Variants in SIN3A observed in about 807,000 individuals in gnomAD.
SIN3A encodes the protein paired amphipathic helix protein Sin3a.
Under a neutral mutation model 146.1 loss-of-function variants are expected in SIN3A, and 14 were observed. The observed-to-expected ratio is 0.10, with a 90% CI of 0.06 to 0.15. The LOEUF (loss-of-function observed/expected upper bound fraction) is 0.15. SIN3A is among the 10% of genes least tolerant of loss of function. SIN3A has a pLI of 1.00. For missense variants in SIN3A, 1,028 were observed against 1,576.0 expected, an observed-to-expected ratio of 0.65 and a Z score of 5.89; for synonymous variants, 572 against 572.0, an observed-to-expected ratio of 1.00 and a Z score of 0.00.
At chr15:75,379,560 G>GA (rs1172040733) in intron 19 of SIN3A, among the ~76,000 whole-genome samples, 1 of 152,228 alleles carries the variant, frequency 6.6e-6, no homozygotes, top group Non-Finnish European at 1.5e-5. Context: ...GTTTTGTTGA[G>GA]AGGAACCTGA....
chr15:75,436,655 T>C (rs2074112844), intron 1 of SIN3A, among the ~76,000 whole-genome samples: 1 of 152,034 alleles, frequency 6.6e-6, no homozygotes, highest in Non-Finnish European at 1.5e-5. Flanking sequence ...GTAGTGTGTA[T>C]ATGGGTGTTC....
At chr15:75,445,347 C>T (rs918873307) in intron 1 of SIN3A, among the ~76,000 whole-genome samples, 5 of 129,142 alleles carry the variant, frequency 3.9e-5, no homozygotes, top group African/African-American at 1.5e-4. Flanking sequence ...CGCTACTGTA[C>T]TCCAGCCTGG....
chr15:75,383,264 CCTGT>C (rs1446181726), intron 17 of SIN3A, among the ~76,000 whole-genome samples: 3 of 149,522 alleles, frequency 2.0e-5, no homozygotes, highest in Admixed American at 2.0e-4. Flanking sequence ...AGTGTGTGTC[CCTGT>C]CTTAAAAAAA....
intron 5 of SIN3A, among the ~76,000 whole-genome samples, chr15:75,412,093 C>T (rs972660145): frequency 2.0e-5 from 3 of 152,194 alleles, no homozygotes; most frequent in African/African-American, 4.8e-5. Context: ...AACAACAAGA[C>T]AACTGTTGCA....
chr15:75,411,874 C>G, intron 5 of SIN3A, 131 bp from the exon 6 acceptor site: 1 of 907,542 alleles, frequency 1.1e-6, no homozygotes. Context: ...TCATTTTAGT[C>G]CAACACAAAT....
Position 75,394,883 on chromosome 15 carries a change from T to G in SIN3A, c.2094-20A>C. On this transcript the variant is annotated intron_variant, in intron 13 of 20. Coordinates refer to ENST00000394947, the MANE Select transcript of SIN3A (RefSeq NM_001145358.2). ...TTCAACCTAGTGAAGCGGGAAGGGATGGAAACAACACATGGGAATTCAGAG... is the reference window on the plus strand; with the variant it reads ...TTCAACCTAGTGAAGCGGGAAGGGAGGGAAACAACACATGGGAATTCAGAG... The G allele has an allele frequency of 6.2e-7, 1 of 1,606,398 alleles. No homozygotes were observed. Among genetic ancestry groups the G allele is most frequent in the Non-Finnish European group, 8.5e-7 (1 of 1,176,154 alleles).
At chr15:75,429,136 T>A (rs540391857) in intron 2 of SIN3A, among the ~76,000 whole-genome samples, 11 of 152,284 alleles carry the variant, frequency 7.2e-5, no homozygotes, top group African/African-American at 2.4e-4. Context: ...AAATTATACA[T>A]TGGCCAGACG....
At chr15:75,438,916 C>T (rs1028131992) in intron 1 of SIN3A, among the ~76,000 whole-genome samples, 1 of 152,158 alleles carries the variant, frequency 6.6e-6, no homozygotes, top group Admixed American at 6.5e-5. Flanking sequence ...AAAAGTCCAC[C>T]TCTGGTTTTA....
intron 17 of SIN3A, 50 bp from the exon 18 acceptor site, chr15:75,381,755 A>C (rs774885936): frequency 2.1e-6 from 3 of 1,435,280 alleles, no homozygotes; most frequent in Non-Finnish European, 2.9e-6. Flanking sequence ...CTGTAGCTGT[A>C]ATCTATCTTC....
intron 19 of SIN3A, among the ~76,000 whole-genome samples, chr15:75,378,887 GATATAT>G (rs61263220): frequency 6.9e-6 from 1 of 144,974 alleles, no homozygotes; most frequent in Non-Finnish European, 1.5e-5. Context: ...ATATAATAGG[GATATAT>G]ATATATATAT....
chr15:75,375,183 G>A (rs1201625330), intron 20 of SIN3A, among the ~76,000 whole-genome samples: 1 of 152,174 alleles, frequency 6.6e-6, no homozygotes, highest in East Asian at 1.9e-4. Flanking sequence ...AGCACTTTGA[G>A]AGGCTGTGTC....
intron 1 of SIN3A, among the ~76,000 whole-genome samples, chr15:75,450,974 CG>C (rs964302979): frequency 2.6e-5 from 4 of 151,354 alleles, no homozygotes; most frequent in African/African-American, 9.7e-5. Flanking sequence ...TCAGACTTCA[CG>C]CCCCCTCCCT....
chr15:75,421,484 A>G (rs1389502948), intron 3 of SIN3A: 3 of 152,230 alleles, frequency 2.0e-5, no homozygotes, highest in Non-Finnish European at 4.4e-5. Flanking sequence ...GTACTTTATA[A>G]TATTTATGTA....
Position 75,396,368 on chromosome 15 carries a change from T to G in SIN3A, c.1983A>C (p.Ser661=). 1 of 1,614,208 alleles carries G rather than the reference T, an allele frequency of 6.2e-7. No individual in the cohort carries two copies. The highest frequency in any genetic ancestry group is 8.5e-7 in the Non-Finnish European group (1 of 1,180,034). Residue 661 remains serine, a synonymous_variant, in exon 13 of 21, where the codon TCA becomes TCC. Transcript: ENST00000394947. The stretch of plus-strand genomic sequence containing the variant: ...GGAGTGCTTTTCTATGGATGACTTC[T>G]GATGTGCCCCCAAGGGTGTTGTCCA... The part of the protein sequence containing the change: ...FRLDNTLGGT[S]EVIHRKALQR...
chr15:75,453,129 G>C (rs1480671420), upstream of SIN3A: 1 of 152,396 alleles, frequency 6.6e-6, no homozygotes, highest in South Asian at 2.1e-4. Flanking sequence ...AAGACCCCAA[G>C]GGACACGCCC....
chr15:75,427,621 T>TAA (rs1322253931), intron 2 of SIN3A, among the ~76,000 whole-genome samples: 1 of 148,314 alleles, frequency 6.7e-6, no homozygotes, highest in Admixed American at 6.7e-5. Flanking sequence ...GACTGAACCA[T>TAA]TGCACTCCAG....
At chr15:75,380,371 T>C (rs1387654797) in intron 19 of SIN3A, among the ~76,000 whole-genome samples, 1 of 152,230 alleles carries the variant, frequency 6.6e-6, no homozygotes, top group Admixed American at 6.5e-5. Context: ...CATCGAACCA[T>C]GGAGACTCTG....
intron 2 of SIN3A, among the ~76,000 whole-genome samples, chr15:75,423,059 C>T (rs1230306828): frequency 1.3e-5 from 2 of 151,964 alleles, no homozygotes. Context: ...CAGAGTGAGA[C>T]CACGTCTCTA....
chr15:75,392,570 C>CTCTTCT lies in SIN3A; in HGVS notation c.2517_2522dup (p.Glu840_Glu841dup). 1 of 1,614,116 alleles carries CTCTTCT rather than the reference C, an allele frequency of 6.2e-7. No individual in the cohort carries two copies. ...CCCCTGTGGCTTCATCTACATCCAT[C>CTCTTCT]TCTTCTTCTTCCTCTTCCTCCACAT... On this transcript the variant is annotated inframe_insertion, in exon 15 of 21. Coordinates refer to ENST00000394947, the MANE Select transcript of SIN3A (RefSeq NM_001145358.2).
Sources: allele counts gnomAD v4.1 joint callset (sites outside exome capture counted in the v4.1 genomes callset), GRCh38; gene constraint gnomAD v4.1.1; transcripts MANE v1.5; gene names NCBI Gene and HGNC (gene_info 2026-07-23, HGNC 2026-07-21).